DBN1: variants seen among roughly 807,000 people sequenced by gnomAD.
DBN1 encodes drebrin.
A neutral mutation model predicts 83.5 loss-of-function variants in DBN1; 21 were observed. The observed-to-expected ratio is 0.25, with a 90% confidence interval of 0.18 to 0.36. The LOEUF is 0.36. Among genes scored for constraint, DBN1 ranks in the 10% least tolerant of loss-of-function variants. The pLI is 1.00. For missense variants in DBN1, 874 were observed against 935.7 expected (o/e 0.93, Z 0.86); for synonymous variants, 381 against 384.9 (o/e 0.99, Z 0.12).
intron 8 of DBN1, chr5:177,462,372 G>C: frequency 1.0e-6 from 1 of 985,544 alleles, no homozygotes; most frequent in Non-Finnish European, 1.2e-6. Flanking sequence ...CAGGCCCTCT[G>C]GTTTCCAGCT....
chr5:177,472,339 G>A (rs1277787763), intron 1 of DBN1: 22 of 1,505,650 alleles, frequency 1.5e-5, no homozygotes, highest in Non-Finnish European at 1.8e-5. Context: ...TCCTCAAGAA[G>A]AACCTGTTCC....
chr5:177,460,379 C>A, intron 10 of DBN1, 53 bp downstream of exon 10: 3 of 1,611,436 alleles, frequency 1.9e-6, no homozygotes, highest in Non-Finnish European at 8.5e-7. Context: ...CAGAGAGGCT[C>A]AGGGCCGCAA....
At chr5:177,471,699 G>C (rs574958603) in intron 1 of DBN1, among the ~76,000 whole-genome samples, 1 of 152,288 alleles carries the variant, frequency 6.6e-6, no homozygotes, top group South Asian at 2.1e-4. Flanking sequence ...GAGGGTACAT[G>C]TGTGCATCTG....
chr5:177,472,590 G>T (rs1703503630), intron 1 of DBN1, among the ~76,000 whole-genome samples: 1 of 152,094 alleles, frequency 6.6e-6, no homozygotes, highest in South Asian at 2.1e-4. Context: ...ATCAGGGACC[G>T]AGTGCCCCTT....
At chr5:177,464,613 A>AT (rs1313108520) in intron 8 of DBN1, among the ~76,000 whole-genome samples, 1 of 132,306 alleles carries the variant, frequency 7.6e-6, no homozygotes, top group Admixed American at 7.4e-5. Flanking sequence ...CAATAAATAA[A>AT]TAAATAAATA....
Position 177,459,744 on chromosome 5 carries a change from C to G in DBN1, c.956-4G>C. On this transcript the variant is annotated splice_region_variant and splice_polypyrimidine_tract_variant and intron_variant, in intron 10 of 14. Coordinates refer to ENST00000393565, the MANE Select transcript of DBN1 (RefSeq NM_001363541.2). ...ATGAAAGGGCAGTACGGACGACCTG[C>G]CGAGAGAGACAGACAGAGAAAGAGA... is the stretch of plus-strand genomic sequence containing the variant. 1 of 1,492,892 alleles carries G rather than the reference C, an allele frequency of 6.7e-7. No individual in the cohort carries two copies. Among genetic ancestry groups the G allele is most frequent in the Non-Finnish European group, 8.9e-7 (1 of 1,118,302 alleles). 92.5% of individuals were successfully genotyped at this position (1,492,892 alleles called of 1,614,324 possible). A position where few individuals can be genotyped will look rare whatever the true frequency, so the allele number is the denominator to read the frequency against.
chr5:177,462,439 C>T lies in DBN1; in HGVS notation c.772-1736G>A, dbSNP rs888494287. ...CTCTGAACAAGAGGCTTGTTCAGGT[C>T]ATTTCCTCCTCTGGGTCCCCACAGG... On this transcript the variant is annotated intron_variant, in intron 8 of 14. Coordinates refer to ENST00000393565, the MANE Select transcript of DBN1 (RefSeq NM_001363541.2). 5.7e-5 allele frequency: 56 copies of T among 983,206 alleles called. 3 individuals are homozygous for T. In the South Asian group the frequency reaches 1.6e-3, roughly 29 times the overall value. 60.9% of individuals were successfully genotyped at this position (983,206 alleles called of 1,614,324 possible).
Position 177,459,702 on chromosome 5 carries a change from C to A in DBN1, c.994G>T (p.Gly332Trp). The change falls in exon 11 of 15, where the codon GGG (glycine) becomes TGG (tryptophan). Residue 332 changes from glycine (G) to tryptophan (W), a missense_variant. Transcript: ENST00000393565. ...GAGGAAGAGGAGGAGGAGGAAGGCC[C>A]ACTGTCCGATGCCTTTATGAAAGGG... is the stretch of plus-strand genomic sequence containing the variant. ...YCPFIKASDS[G>W]PSSSSSSSSS... 2 of 1,585,726 alleles carry A rather than the reference C, an allele frequency of 1.3e-6. No individual in the cohort carries two copies. The highest frequency in any genetic ancestry group is 1.7e-6 in the Non-Finnish European group (2 of 1,166,738).
intron 1 of DBN1, among the ~76,000 whole-genome samples, chr5:177,469,190 G>A (rs1387363023): frequency 6.6e-6 from 1 of 152,162 alleles, no homozygotes; most frequent in Non-Finnish European, 1.5e-5. Flanking sequence ...ACCCAGTGGA[G>A]CGGGTGTGTG....
chr5:177,459,574 C>A, intron 11 of DBN1, 29 bp downstream of exon 11: 1 of 1,472,648 alleles, frequency 6.8e-7, no homozygotes, highest in South Asian at 1.4e-5. Flanking sequence ...TCCTTACCAC[C>A]CCCGCCGAGG....
chr5:177,457,515 G>C lies in DBN1; in HGVS notation c.2018-12C>G. ...TGTGATGTCGATCTCTGTGGCGTTAGAAAGGGAGAGGAGTTAGGGACCTAG... is the reference window on the plus strand; with the variant it reads ...TGTGATGTCGATCTCTGTGGCGTTACAAAGGGAGAGGAGTTAGGGACCTAG... On this transcript the variant is annotated splice_polypyrimidine_tract_variant and intron_variant, in intron 14 of 14. Coordinates refer to ENST00000393565, the MANE Select transcript of DBN1 (RefSeq NM_001363541.2). The C allele has an allele frequency of 6.2e-7, 1 of 1,613,684 alleles. No individual in the cohort carries two copies. Among genetic ancestry groups the C allele is most frequent in the South Asian group, 1.1e-5 (1 of 91,072 alleles).
intron 1 of DBN1, 124 bp downstream of exon 1, chr5:177,473,312 G>C: frequency 4.0e-6 from 2 of 497,604 alleles, no homozygotes; most frequent in Non-Finnish European, 6.3e-6. Context: ...CGGCCCTCCC[G>C]GCCCGCTGCA....
chr5:177,470,425 G>A (rs969713629), intron 1 of DBN1, among the ~76,000 whole-genome samples: 2 of 152,084 alleles, frequency 1.3e-5, no homozygotes, highest in South Asian at 4.1e-4. Context: ...TCCCCGGGGT[G>A]CCTTCCATCC....
At chr5:177,473,405 A>T in intron 1 of DBN1, 31 bp downstream of exon 1, 1 of 1,255,094 alleles carries the variant, frequency 8.0e-7, no homozygotes, top group East Asian at 3.2e-5. Context: ...CGCGGGGACA[A>T]AGGGGCCGGG....
Position 177,460,636 on chromosome 5 carries a change from G to A in DBN1, c.831+8C>T, listed in dbSNP as rs1040481966. On this transcript the variant is annotated splice_region_variant and intron_variant, in intron 9 of 14. Coordinates refer to ENST00000393565, the MANE Select transcript of DBN1 (RefSeq NM_001363541.2). ...CTGCCTCACCTGGCTGGTGCCCCCA[G>A]CTCTCACCTCCACCTCCGACTCTGA... The A allele has an allele frequency of 2.4e-5, 38 of 1,614,050 alleles. No homozygotes were observed. The highest frequency in any genetic ancestry group is 3.1e-5 in the Non-Finnish European group (37 of 1,180,034).
chr5:177,460,764 T>G, intron 8 of DBN1, 61 bp from the exon 9 acceptor site: 1 of 1,524,438 alleles, frequency 6.6e-7, no homozygotes, highest in East Asian at 2.3e-5. Flanking sequence ...TTGGCCTTCT[T>G]TTTTACTGTA....
chr5:177,462,405 G>A (rs1260761190), intron 8 of DBN1: 30 of 985,342 alleles, frequency 3.0e-5, no homozygotes, highest in Non-Finnish European at 3.6e-5. Context: ...CTGCTTCCTG[G>A]GGAAGGACCT....
rs751425088 is a variant in DBN1 at position 177,466,873 on chromosome 5, C to A, written c.707+38G>T. On this transcript the variant is annotated intron_variant, in intron 7 of 14. Transcript: ENST00000393565. The surrounding 1 kb of genome is among the most constrained non-coding windows in gnomAD (Gnocchi z 4.8). Reference sequence around the variant, plus strand: ...GCAGCCAGCACCCGTCAGGGTGCGCCCGGGGGCCCCTGGAGCGCTCCGGGC... The same window carrying A: ...GCAGCCAGCACCCGTCAGGGTGCGCACGGGGGCCCCTGGAGCGCTCCGGGC... The A allele has an allele frequency of 1.9e-6, 3 of 1,613,784 alleles. No individual in the cohort carries two copies. Among genetic ancestry groups the A allele is most frequent in the East Asian group, 2.2e-5 (1 of 44,852 alleles).
chr5:177,472,251 C>G, intron 1 of DBN1: 1 of 1,612,162 alleles, frequency 6.2e-7, no homozygotes. Context: ...AGAGTCCCCA[C>G]CTGGCTGCCC....
Sources: gnomAD v4.1 joint callset for allele counts (sites outside exome capture counted in the v4.1 genomes callset) on GRCh38, gnomAD v4.1.1 for gene constraint, Gnocchi (gnomAD v3.1) non-coding constraint, MANE v1.5 for transcripts, NCBI Gene and HGNC (gene_info 2026-07-23, HGNC 2026-07-21) for gene names.